The following FDXR variants were observed in gnomAD, a reference collection of about 807,000 sequenced individuals.
The protein encoded by FDXR is ferredoxin reductase, also known as NADPH:adrenodoxin oxidoreductase, mitochondrial.
Under a neutral mutation model 58.3 loss-of-function variants are expected in FDXR, and 38 were observed. That is an observed-to-expected ratio of 0.65 (90% confidence interval 0.50 to 0.85). The LOEUF (loss-of-function observed/expected upper bound fraction) is 0.85. Ranked by LOEUF, FDXR falls within the 40% of genes least tolerant of loss-of-function variation. The probability of loss-of-function intolerance (pLI) is 0.00; values close to 1 mark genes in which losing one functional copy is unlikely to be tolerated. For synonymous variants in FDXR, 275 were observed against 273.8 expected (o/e 1.00, Z -0.04); for missense variants, 624 against 671.0 (o/e 0.93, Z 0.77).
chr17:74,868,827 C>T, intron 2 of FDXR: 1 of 1,300,508 alleles, frequency 7.7e-7, no homozygotes, highest in Non-Finnish European at 1.0e-6. Context: ...CCCAAATTCC[C>T]CTGAACTTGC....
chr17:74,864,391 G>A, intron 8 of FDXR, 44 bp from the exon 9 acceptor site: 1 of 1,596,556 alleles, frequency 6.3e-7, no homozygotes, highest in Non-Finnish European at 8.6e-7. Context: ...CTGGGCCCCG[G>A]CCCTCTCCCT....
intron 6 of FDXR, 165 bp from the exon 7 acceptor site, chr17:74,865,096 T>C: frequency 1.2e-6 from 1 of 829,154 alleles, no homozygotes; most frequent in South Asian, 1.7e-5. Context: ...ACTCTGCAAA[T>C]GGCTCCAACT....
intron 2 of FDXR, chr17:74,868,875 T>C (rs1236376778): frequency 4.9e-6 from 4 of 814,104 alleles, no homozygotes; most frequent in African/African-American, 1.7e-5. Context: ...CCCAGACATC[T>C]CCCCAAGCTC....
In FDXR at chr17:74,866,183, C is replaced by A. The variant is rs1377948896; in HGVS notation, c.455G>T (p.Cys152Phe). The change falls in exon 5 of 12, where the codon TGC becomes TTC. Residue 152 changes from cysteine to phenylalanine, a missense_variant. Transcript: ENST00000293195. ...EIPGEELPGV[C>F]SARAFVGWYN... The stretch of plus-strand genomic sequence containing the variant: ...CCAGCCCACGAAGGCCCGGGCGGAG[C>A]ACACACCTGGCAGCTCCTCACCAGG... 1 of 1,614,080 alleles carries A rather than the reference C, an allele frequency of 6.2e-7. No individual in the cohort carries two copies.
chr17:74,872,315 G>A, intron 1 of FDXR, 182 bp from the exon 2 acceptor site: 5 of 1,528,356 alleles, frequency 3.3e-6, no homozygotes, highest in Non-Finnish European at 4.4e-6. Context: ...AACCCCCAAA[G>A]GCTGTGGGTT....
intron 2 of FDXR, among the ~76,000 whole-genome samples, chr17:74,869,008 G>A (rs1431477391): frequency 6.6e-6 from 1 of 151,772 alleles, no homozygotes. Flanking sequence ...CATCCACTCA[G>A]AGCCCAAGCT....
chr17:74,872,095 G>T lies in FDXR; in HGVS notation c.118C>A (p.Gln40Lys), dbSNP rs1369578729. The change falls in exon 2 of 12, where the codon CAG (glutamine) becomes AAG (lysine). Residue 40 changes from glutamine to lysine, a missense_variant. By Grantham distance (53) the Gln-to-Lys change is moderately conservative. Coordinates refer to ENST00000293195, the MANE Select transcript of FDXR (RefSeq NM_024417.5). ...HHFSTQEKTP[Q>K]ICVVGSGPAG... is the part of the protein sequence containing the mutation. ...GGGCCACTGCCCACCACACAGATCT[G>T]GGGGGTCTTCTCCTGTGTGGAGAAA... 2 of 1,607,048 alleles carry T rather than the reference G, an allele frequency of 1.2e-6. No homozygotes were observed. Among genetic ancestry groups the T allele is most frequent in the Non-Finnish European group, 1.7e-6 (2 of 1,176,290 alleles).
In FDXR at chr17:74,872,066, A is replaced by G. The variant is rs1204716632; in HGVS notation, c.147T>C (p.Ala49=). 2 of 1,603,960 alleles carry G rather than the reference A, an allele frequency of 1.2e-6. No individual in the cohort carries two copies. Among genetic ancestry groups the G allele is most frequent in the Admixed American group, 3.4e-5 (2 of 58,486 alleles). ...GCAGGTGTTGGGCCGTGTAGAAGCC[A>G]GCTGGGCCACTGCCCACCACACAGA... The part of the protein sequence containing the change: ...PQICVVGSGP[A]GFYTAQHLLK... Residue 49 remains alanine, a synonymous_variant, in exon 2 of 12, where the codon GCT becomes GCC. Coordinates refer to ENST00000293195, the MANE Select transcript of FDXR (RefSeq NM_024417.5).
Position 74,862,774 on chromosome 17 carries a change from A to G in FDXR, c.*43T>C, listed in dbSNP as rs2038009939. On this transcript the variant is annotated 3_prime_UTR_variant, in exon 12 of 12. Coordinates refer to ENST00000293195, the MANE Select transcript of FDXR (RefSeq NM_024417.5). ...GACGGACCCAGCCCTTCCCCTCCCA[A>G]CACTCATCCCTTCCCTGCTGGGGGC... 1 of 1,580,116 alleles carries G rather than the reference A, an allele frequency of 6.3e-7. No homozygotes were observed. The highest frequency in any genetic ancestry group is 1.3e-5 in the African/African-American group (1 of 74,456).
intron 8 of FDXR, 40 bp downstream of exon 8, chr17:74,864,440 C>A: frequency 6.2e-7 from 1 of 1,609,986 alleles, no homozygotes; most frequent in South Asian, 1.1e-5. Flanking sequence ...CTAGGCCACC[C>A]TCTCCCTAGT....
chr17:74,863,251 GA>G lies in FDXR; in HGVS notation c.1175-6del. The G allele has an allele frequency of 8.7e-6, 14 of 1,609,822 alleles. No homozygotes were observed. The highest frequency in any genetic ancestry group is 2.2e-5 in the East Asian group (1 of 44,732). Reference sequence around the variant, plus strand: ...CCCAGCCGCTGCAGTAGAGGCCTGAGAGGGGGTAACAAAAGGGGAAGGGAGG... The same window carrying G: ...CCCAGCCGCTGCAGTAGAGGCCTGAGGGGGGTAACAAAAGGGGAAGGGAGG... On this transcript the variant is annotated splice_polypyrimidine_tract_variant and splice_region_variant and intron_variant, in intron 10 of 11. Transcript: ENST00000293195.
chr17:74,868,587 C>CACTCTGG, intron 2 of FDXR: 1 of 1,535,680 alleles, frequency 6.5e-7, no homozygotes, highest in Non-Finnish European at 8.7e-7. Flanking sequence ...ACAGATCCTT[C>CACTCTGG]ACTCTGGGTC....
chr17:74,866,723 C>A, intron 3 of FDXR, 61 bp downstream of exon 3: 1 of 1,599,650 alleles, frequency 6.3e-7, no homozygotes, highest in Non-Finnish European at 8.6e-7. Context: ...GGGAGCCTCC[C>A]TGCCCTCCTC....
chr17:74,868,949 T>G (rs1432386933), intron 2 of FDXR, among the ~76,000 whole-genome samples: 6 of 151,948 alleles, frequency 3.9e-5, no homozygotes. Flanking sequence ...TCAAGCCAAG[T>G]CCCCTTGCCC....
Position 74,872,976 on chromosome 17 carries a change from T to A in FDXR, c.-32A>T, listed in dbSNP as rs761740370. On this transcript the variant is annotated 5_prime_UTR_variant, in exon 1 of 12. Transcript: ENST00000293195. ...GAGCAGCAACCTGCAAGTGGATCTG[T>A]TCCTAGCTACTGCTCCGCAGGGCAA... 19 of 1,540,400 alleles carry A rather than the reference T, an allele frequency of 1.2e-5. No individual in the cohort carries two copies. Among genetic ancestry groups the A allele is most frequent in the South Asian group, 2.4e-5 (2 of 83,804 alleles).
chr17:74,866,889 A>C lies in FDXR; in HGVS notation c.178-13T>G. ...GGGCCTGGGGGTGCTGCTGGGGAAC[A>C]GGGTGGCAGCTGGTGGGGCCGAGAG... On this transcript the variant is annotated splice_polypyrimidine_tract_variant and intron_variant, in intron 2 of 11. Transcript: ENST00000293195. 8 of 1,612,734 alleles carry C rather than the reference A, an allele frequency of 5.0e-6. No individual in the cohort carries two copies. The highest frequency in any genetic ancestry group is 6.8e-6 in the Non-Finnish European group (8 of 1,179,410).
intron 1 of FDXR, 164 bp downstream of exon 1, chr17:74,872,702 C>G: frequency 6.9e-7 from 1 of 1,449,426 alleles, no homozygotes. Context: ...ATCTCACGCA[C>G]AGATCTCCGC....
intron 1 of FDXR, 65 bp from the exon 2 acceptor site, chr17:74,872,198 C>G: frequency 1.3e-6 from 2 of 1,571,126 alleles, no homozygotes; most frequent in South Asian, 1.2e-5. Flanking sequence ...CCAAACCAAC[C>G]TGAATATCCA....
chr17:74,863,093 G>C lies in FDXR; in HGVS notation c.1328C>G (p.Ala443Gly). The C allele has an allele frequency of 6.2e-7, 1 of 1,612,978 alleles. No individual in the cohort carries two copies. Among genetic ancestry groups the C allele is most frequent in the Non-Finnish European group, 8.5e-7 (1 of 1,179,862 alleles). Residue 443 changes from alanine (A) to glycine (G), a missense_variant, in exon 11 of 12, where the codon GCC (alanine) becomes GGC (glycine). Coordinates refer to ENST00000293195, the MANE Select transcript of FDXR (RefSeq NM_024417.5). ...GPRPGYAAIQALLSSRGVRPV... is the reference protein window; with the variant it reads ...GPRPGYAAIQGLLSSRGVRPV... ...GCCCAGACCTCGGCTGCTGAGCAGG[G>C]CCTGGATGGCTGCGTAGCCAGGCCT...
Sources: gnomAD v4.1 joint callset for allele counts (sites outside exome capture counted in the v4.1 genomes callset) on GRCh38, gnomAD v4.1.1 for gene constraint, MANE v1.5 for transcripts, NCBI Gene and HGNC (gene_info 2026-07-23, HGNC 2026-07-21) for gene names.